Variants in APBB2 observed in about 807,000 individuals in gnomAD.
APBB2 encodes the protein Fe65-like 1.
A neutral mutation model predicts 82.5 loss-of-function variants in APBB2; 38 were observed. That is an observed-to-expected ratio of 0.46 (90% CI 0.36 to 0.60). The LOEUF (loss-of-function observed/expected upper bound fraction) is 0.60, where lower values mean the gene tolerates loss of function less well. Among genes scored for constraint, APBB2 ranks in the 20% least tolerant of loss-of-function variants. The probability of loss-of-function intolerance (pLI) is 0.00; values close to 1 mark genes in which losing one functional copy is unlikely to be tolerated. For synonymous variants in APBB2, 341 were observed against 368.2 expected, an observed-to-expected ratio of 0.93 and a Z score of 0.85; for missense variants, 772 against 972.3, an observed-to-expected ratio of 0.79 and a Z score of 2.74.
chr4:40,903,250 C>T (rs1476990845), intron 10 of APBB2, among the ~76,000 whole-genome samples: 2 of 132,820 alleles, frequency 1.5e-5, no homozygotes, highest in Non-Finnish European at 3.1e-5. Flanking sequence ...CACCTGAGGT[C>T]AGAAGTTCAA....
intron 12 of APBB2, among the ~76,000 whole-genome samples, chr4:40,842,209 T>C (rs531094464): frequency 2.6e-5 from 4 of 152,350 alleles, no homozygotes; most frequent in African/African-American, 9.6e-5. Flanking sequence ...TTTTAAATGC[T>C]GGTGATAAGA....
At chr4:40,854,053 G>A (rs1008408221) in intron 12 of APBB2, among the ~76,000 whole-genome samples, 8 of 152,220 alleles carry the variant, frequency 5.3e-5, no homozygotes, top group East Asian at 3.9e-4. Flanking sequence ...CTTATCTGCC[G>A]AACAGCATAT....
At chr4:41,062,567 G>T (rs1730262873) in intron 4 of APBB2, among the ~76,000 whole-genome samples, 1 of 152,052 alleles carries the variant, frequency 6.6e-6, no homozygotes, top group Non-Finnish European at 1.5e-5. Flanking sequence ...TTCATGCCTT[G>T]GACTGAGGGA....
At chr4:40,838,717 C>G (rs976179284) in intron 12 of APBB2, among the ~76,000 whole-genome samples, 4 of 152,150 alleles carry the variant, frequency 2.6e-5, no homozygotes, top group Admixed American at 6.5e-5. Context: ...GATCCGCCCA[C>G]CTCAGCCTCC....
intron 10 of APBB2, among the ~76,000 whole-genome samples, chr4:40,897,887 T>C (rs1774148274): frequency 6.6e-6 from 1 of 151,858 alleles, no homozygotes; most frequent in South Asian, 2.1e-4. Flanking sequence ...TCTTGGAGCA[T>C]GGGAAGAGCT....
intron 3 of APBB2, among the ~76,000 whole-genome samples, chr4:41,066,215 G>A (rs368548354): frequency 6.6e-6 from 1 of 151,604 alleles, no homozygotes; most frequent in East Asian, 1.9e-4. Flanking sequence ...TGTATTTTCC[G>A]AAACTGAAAA....
chr4:41,074,594 ATAT>A lies in APBB2; in HGVS notation c.-148-8924_-148-8922del, dbSNP rs200636926. Among the ~76,000 whole-genome samples the A allele has an allele frequency of 1.1e-3, 157 of 140,410 alleles. 2 individuals are homozygous for A. Among genetic ancestry groups the A allele is most frequent in the Non-Finnish European group, 1.5e-3 (97 of 64,762 alleles). The allele number at this position is 140,410 out of a possible 152,430, so 92.1% of individuals were successfully genotyped here. ...TATTAATTCTACCATATGAAGGCAA[ATAT>A]TATTATTATTATTTTTTTTTTTTTT... On this transcript the variant is annotated intron_variant, in intron 3 of 17. Transcript: ENST00000508593.
chr4:40,871,198 A>G (rs1765425945), intron 12 of APBB2, among the ~76,000 whole-genome samples: 1 of 151,894 alleles, frequency 6.6e-6, no homozygotes, highest in African/African-American at 2.4e-5. Flanking sequence ...CTAGAGGGCA[A>G]TGTTGCAGTC....
intron 6 of APBB2, among the ~76,000 whole-genome samples, chr4:40,945,285 G>A: frequency 6.6e-6 from 1 of 152,156 alleles, no homozygotes; most frequent in Non-Finnish European, 1.5e-5. Context: ...AATTGGAAAG[G>A]AAGGCTAACA....
At position 41,129,333 on chromosome 4, in the gene APBB2, C is replaced by A. The variant is rs569245697; in HGVS notation, c.-261+13654G>T. Reference sequence around the variant, plus strand: ...CCTCATCTTCAGTCACTCTCCACCACCAACACCCTCCTGACTACACAGATG... The same window carrying A: ...CCTCATCTTCAGTCACTCTCCACCAACAACACCCTCCTGACTACACAGATG... On this transcript the variant is annotated intron_variant, in intron 2 of 17. Transcript: ENST00000508593. Among the ~76,000 whole-genome samples, 10 of 152,272 alleles carry A rather than the reference C, an allele frequency of 6.6e-5. No homozygotes were observed. In the East Asian group the frequency reaches 1.7e-3, roughly 26 times the overall value.
chr4:40,930,528 A>T (rs1311782842), intron 10 of APBB2, among the ~76,000 whole-genome samples: 3 of 150,582 alleles, frequency 2.0e-5, no homozygotes, highest in African/African-American at 7.5e-5. Context: ...TGCTATTTAG[A>T]GGTTTCACTG....
intron 6 of APBB2, among the ~76,000 whole-genome samples, chr4:40,978,768 C>T (rs1797787208): frequency 6.6e-6 from 1 of 152,032 alleles, no homozygotes; most frequent in South Asian, 2.1e-4. Flanking sequence ...AATAAACAAG[C>T]AAAAGCTCAT....
intron 10 of APBB2, among the ~76,000 whole-genome samples, chr4:40,912,504 G>A (rs1181226382): frequency 2.6e-5 from 4 of 152,068 alleles, no homozygotes; most frequent in Non-Finnish European, 5.9e-5. Flanking sequence ...TTGAACCTGG[G>A]AGGCACAGGT....
chr4:41,001,911 C>T (rs139769579), intron 6 of APBB2, among the ~76,000 whole-genome samples: 1 of 151,694 alleles, frequency 6.6e-6, no homozygotes, highest in African/African-American at 2.4e-5. Context: ...AAGAAAAAGA[C>T]AAAAGCTTAC....
Position 40,840,139 on chromosome 4 carries a change from A to G in APBB2, c.1530-9562T>C, listed in dbSNP as rs1014244993. On this transcript the variant is annotated intron_variant, in intron 12 of 17. Transcript: ENST00000508593. ...AGCAGCAAACGGATTGGATCCAAACATCGCACTTCTGGCACTTTAGGACAA... is the reference window on the plus strand; with the variant it reads ...AGCAGCAAACGGATTGGATCCAAACGTCGCACTTCTGGCACTTTAGGACAA... Among the ~76,000 whole-genome samples the G allele has an allele frequency of 2.0e-5, 3 of 152,208 alleles. No individual in the cohort carries two copies. In the East Asian group the frequency reaches 5.8e-4, roughly 29 times the overall value.
At chr4:40,854,512 C>G (rs1477118260) in intron 12 of APBB2, among the ~76,000 whole-genome samples, 1 of 152,080 alleles carries the variant, frequency 6.6e-6, no homozygotes, top group Non-Finnish European at 1.5e-5. Flanking sequence ...CTAGGCCTGG[C>G]GCGGTGGCTC....
chr4:40,838,482 C>T (rs377263164), intron 12 of APBB2, among the ~76,000 whole-genome samples: 219 of 152,092 alleles, frequency 1.4e-3, no homozygotes, highest in South Asian at 3.5e-3. Flanking sequence ...ACTACAGGCA[C>T]GTGCCACCAC....
chr4:41,117,404 T>G (rs1393431610), intron 2 of APBB2, among the ~76,000 whole-genome samples: 2 of 151,592 alleles, frequency 1.3e-5, no homozygotes, highest in African/African-American at 4.8e-5. Context: ...GCAATTCTCC[T>G]GCCTCAGCCT....
intron 6 of APBB2, among the ~76,000 whole-genome samples, chr4:41,008,362 C>T (rs1579201141): frequency 6.6e-6 from 1 of 152,188 alleles, no homozygotes; most frequent in Admixed American, 6.5e-5. Context: ...ATGCCAAAAC[C>T]AGGCATTGAT....
Sources: gnomAD v4.1 joint callset for allele counts (sites outside exome capture counted in the v4.1 genomes callset) on GRCh38, gnomAD v4.1.1 for gene constraint, MANE v1.5 for transcripts, NCBI Gene and HGNC (gene_info 2026-07-23, HGNC 2026-07-21) for gene names.